The following KDELR3 variants were observed in gnomAD, a reference collection of about 807,000 sequenced individuals.
KDELR3 encodes the protein KDEL endoplasmic reticulum protein retention receptor 3, also known as ER lumen protein-retaining receptor 3.
In KDELR3, 26 loss-of-function variants were observed where a neutral mutation model predicts 22.7. That is an observed-to-expected ratio of 1.15 (90% CI 0.84 to 1.59). The LOEUF (loss-of-function observed/expected upper bound fraction) is 1.59. KDELR3 is among the 40% of genes most tolerant of loss of function. The pLI, the probability that KDELR3 is intolerant of heterozygous loss-of-function variation, is 0.00. For missense variants in KDELR3, 289 were observed against 251.1 expected, an observed-to-expected ratio of 1.15 and a Z score of -1.02; for synonymous variants, 120 against 98.2, an observed-to-expected ratio of 1.22 and a Z score of -1.31.
Position 38,468,205 on chromosome 22 carries a change from G to A in KDELR3, c.-29G>A. The A allele has an allele frequency of 6.2e-7, 1 of 1,607,954 alleles. No homozygotes were observed. The highest frequency in any genetic ancestry group is 8.5e-7 in the Non-Finnish European group (1 of 1,174,868). ...AGAAAGTTTCCTAGAAGTTTGCTGG[G>A]CGCGGGCGCACGACTGACTGGCTGG... On this transcript the variant is annotated 5_prime_UTR_variant, in exon 1 of 5. Coordinates refer to ENST00000216014, the MANE Select transcript of KDELR3 (RefSeq NM_006855.4).
Position 38,482,544 on chromosome 22 carries a change from C to G in KDELR3, c.*8C>G. On this transcript the variant is annotated 3_prime_UTR_variant, in exon 5 of 5. Coordinates refer to ENST00000216014, the MANE Select transcript of KDELR3 (RefSeq NM_006855.4). Reference sequence around the variant, plus strand: ...CTTCCAATGCCAATCTGAGGACCTTCAGAGACAGTCTACGCCTTAACAAGC... The same window carrying G: ...CTTCCAATGCCAATCTGAGGACCTTGAGAGACAGTCTACGCCTTAACAAGC... 6.2e-7 allele frequency: 1 copy of G among 1,609,056 alleles called. No homozygotes were observed. The highest frequency in any genetic ancestry group is 1.1e-5 in the South Asian group (1 of 90,966).
intron 2 of KDELR3, among the ~76,000 whole-genome samples, chr22:38,477,976 T>G (rs1445788054): frequency 6.6e-6 from 1 of 152,190 alleles, no homozygotes; most frequent in Non-Finnish European, 1.5e-5. Flanking sequence ...TGCCAGGGAC[T>G]GAGTTAGGAG....
rs767615263 is a variant in KDELR3, at chr22:38,479,692, C to T, written c.292C>T (p.Leu98Phe). 1.9e-6 allele frequency: 3 copies of T among 1,614,200 alleles called. No homozygotes were observed. Among genetic ancestry groups the T allele is most frequent in the Non-Finnish European group, 2.5e-6 (3 of 1,180,026 alleles). Residue 98 changes from leucine to phenylalanine, a missense_variant, in exon 3 of 5, where the codon CTT becomes TTT. Physicochemically the swap from Leu to Phe is conservative, Grantham distance 22. Coordinates refer to ENST00000216014, the MANE Select transcript of KDELR3 (RefSeq NM_006855.4). ...SENDTFRLEF[L>F]LVPVIGLSFL... ...GAATGACACATTCCGCCTGGAGTTT[C>T]TTCTGGTCCCAGTCATTGGCCTTTC...
intron 1 of KDELR3, among the ~76,000 whole-genome samples, chr22:38,468,943 G>A (rs944820583): frequency 4.6e-5 from 7 of 152,212 alleles, no homozygotes; most frequent in South Asian, 4.1e-4. Flanking sequence ...CTGGACTCGC[G>A]GTCGCCAACA....
intron 2 of KDELR3, among the ~76,000 whole-genome samples, chr22:38,476,250 C>T (rs1324569249): frequency 2.0e-5 from 3 of 151,676 alleles, no homozygotes; most frequent in African/African-American, 7.3e-5. Flanking sequence ...GACGGAGTCT[C>T]GCTCTGTCGC....
At chr22:38,470,903 G>A (rs1396279931) in intron 1 of KDELR3, among the ~76,000 whole-genome samples, 1 of 152,136 alleles carries the variant, frequency 6.6e-6, no homozygotes, top group Non-Finnish European at 1.5e-5. Flanking sequence ...CAGCACTTTG[G>A]GATGCCAAGG....
chr22:38,468,177 G>T lies in KDELR3; in HGVS notation c.-57G>T. Reference sequence around the variant, plus strand: ...CGGAGACGTGGCAGCCGCCCTGCCCGCCAGAAAGTTTCCTAGAAGTTTGCT... The same window carrying T: ...CGGAGACGTGGCAGCCGCCCTGCCCTCCAGAAAGTTTCCTAGAAGTTTGCT... On this transcript the variant is annotated 5_prime_UTR_variant, in exon 1 of 5. Transcript: ENST00000216014. 6.6e-7 allele frequency: 1 copy of T among 1,526,468 alleles called. No homozygotes were observed. Among genetic ancestry groups the T allele is most frequent in the Non-Finnish European group, 9.0e-7 (1 of 1,106,602 alleles). The allele number at this position is 1,526,468 out of a possible 1,614,324, so 94.6% of individuals were successfully genotyped here. A position where few individuals can be genotyped will look rare whatever the true frequency, so the allele number is the denominator to read the frequency against.
chr22:38,474,558 G>T lies in KDELR3; in HGVS notation c.127G>T (p.Val43Phe). Residue 43 changes from valine (V) to phenylalanine (F), a missense_variant, in exon 2 of 5, where the codon GTC becomes TTC. Transcript: ENST00000216014. Reference sequence around the variant, plus strand: ...GAAGAGCCAGATCCTGTTTGCTCTCGTCTTCACCACCAGGTACCTGGACCT... The same window carrying T: ...GAAGAGCCAGATCCTGTTTGCTCTCTTCTTCACCACCAGGTACCTGGACCT... ...SGKSQILFAL[V>F]FTTRYLDLFT... 1.2e-6 allele frequency: 2 copies of T among 1,613,962 alleles called. No individual in the cohort carries two copies. Among genetic ancestry groups the T allele is most frequent in the Middle Eastern group, 1.7e-4 (1 of 6,052 alleles).
At position 38,481,241 on chromosome 22, in the gene KDELR3, A is replaced by G. The variant is rs2145673310; in HGVS notation, c.381A>G (p.Glu127=). The G allele has an allele frequency of 6.2e-7, 1 of 1,614,138 alleles. No homozygotes were observed. Among genetic ancestry groups the G allele is most frequent in the African/African-American group, 1.3e-5 (1 of 75,020 alleles). The change falls in exon 4 of 5, where the codon GAA becomes GAG. Residue 127 remains glutamate (E), a synonymous_variant. Transcript: ENST00000216014. ...TCTGGACTTTCTCTATCTATCTGGA[A>G]TCAGTGGCTATCCTGCCCCAGCTCT... is the stretch of plus-strand genomic sequence containing the variant. ...EILWTFSIYL[E]SVAILPQLFM...
At chr22:38,482,298 T>C (rs148597911) in intron 4 of KDELR3, among the ~76,000 whole-genome samples, 198 bp from the exon 5 acceptor site, 1 of 152,252 alleles carries the variant, frequency 6.6e-6, no homozygotes, top group Non-Finnish European at 1.5e-5. Flanking sequence ...AGTTTACAGC[T>C]GGGGGGAAGG....
At chr22:38,479,879 G>C in intron 3 of KDELR3, 128 bp downstream of exon 3, 1 of 876,526 alleles carries the variant, frequency 1.1e-6, no homozygotes, top group South Asian at 1.6e-5. Context: ...GTTATAAGTT[G>C]AGAAGAAATT....
chr22:38,474,624 G>C lies in KDELR3; in HGVS notation c.192+1G>C. ...CTCCATCTACAACACAGTAATGAAG[G>C]TGAGGGGCTGGGTGATGATGGTTGG... On this transcript the variant is annotated splice_donor_variant, in intron 2 of 4. Coordinates refer to ENST00000216014, the MANE Select transcript of KDELR3 (RefSeq NM_006855.4). LOFTEE classifies it high-confidence loss of function. 6.2e-7 allele frequency: 1 copy of C among 1,610,770 alleles called. No individual in the cohort carries two copies. The highest frequency in any genetic ancestry group is 8.5e-7 in the Non-Finnish European group (1 of 1,176,986).
In KDELR3 at chr22:38,472,451, T is replaced by C. The variant is rs1602657701; in HGVS notation, c.92-2072T>C. Among the ~76,000 whole-genome samples, 5 of 151,984 alleles carry C rather than the reference T, an allele frequency of 3.3e-5. No homozygotes were observed. The South Asian group carries it at 1.0e-3, about 32-fold the overall frequency. On this transcript the variant is annotated intron_variant, in intron 1 of 4. Coordinates refer to ENST00000216014, the MANE Select transcript of KDELR3 (RefSeq NM_006855.4). ...GAGATCGCACCACTGCACTCCAGCC[T>C]GGGTGACAGAGTGAGACTCTGTCTC...
chr22:38,482,251 A>G (rs1217186121), intron 4 of KDELR3, among the ~76,000 whole-genome samples: 1 of 152,218 alleles, frequency 6.6e-6, no homozygotes, highest in Non-Finnish European at 1.5e-5. Context: ...ATTTGATTGT[A>G]TGAGATGTAC....
intron 1 of KDELR3, among the ~76,000 whole-genome samples, chr22:38,471,501 A>G (rs1411870414): frequency 6.6e-6 from 1 of 152,168 alleles, no homozygotes; most frequent in Non-Finnish European, 1.5e-5. Flanking sequence ...TAGACCCCCC[A>G]GAGGGACTCA....
intron 1 of KDELR3, among the ~76,000 whole-genome samples, chr22:38,473,191 G>A (rs754451786): frequency 6.6e-6 from 1 of 152,144 alleles, no homozygotes; most frequent in African/African-American, 2.4e-5. Context: ...GAGAGAATGA[G>A]GTAGGAGGAT....
At chr22:38,471,834 T>C (rs897751798) in intron 1 of KDELR3, among the ~76,000 whole-genome samples, 5 of 151,814 alleles carry the variant, frequency 3.3e-5, no homozygotes, top group Non-Finnish European at 7.4e-5. Flanking sequence ...CATGGTAGCA[T>C]GTGCCTGTAG....
intron 2 of KDELR3, among the ~76,000 whole-genome samples, chr22:38,476,074 C>A (rs2089555551): frequency 6.6e-6 from 1 of 152,078 alleles, no homozygotes; most frequent in Non-Finnish European, 1.5e-5. Flanking sequence ...GGACTACAGG[C>A]ACGCACCACC....
chr22:38,470,491 A>G (rs941590760), intron 1 of KDELR3, among the ~76,000 whole-genome samples: 23 of 152,186 alleles, frequency 1.5e-4, no homozygotes, highest in African/African-American at 5.3e-4. Context: ...AGTGAGTACT[A>G]TGGGAACAGA....
Sources: gnomAD v4.1 joint callset for allele counts (sites outside exome capture counted in the v4.1 genomes callset) on GRCh38, gnomAD v4.1.1 for gene constraint, MANE v1.5 for transcripts, NCBI Gene and HGNC (gene_info 2026-07-23, HGNC 2026-07-21) for gene names.